TRAF3: variants seen among roughly 807,000 people sequenced by gnomAD.
TRAF3 encodes TNF receptor-associated factor 3.
A neutral mutation model predicts 62.3 loss-of-function variants in TRAF3; 13 were observed. That is an observed-to-expected ratio of 0.21 (90% CI 0.14 to 0.33). The LOEUF is 0.33. Ranked by LOEUF, TRAF3 falls within the 10% of genes least tolerant of loss-of-function variation. The pLI, the probability that TRAF3 is intolerant of heterozygous loss-of-function variation, is 1.00. For synonymous variants in TRAF3, 269 were observed against 283.4 expected, an observed-to-expected ratio of 0.95 and a Z score of 0.51; for missense variants, 440 against 741.8, an observed-to-expected ratio of 0.59 and a Z score of 4.73.
intron 1 of TRAF3, among the ~76,000 whole-genome samples, chr14:102,823,919 G>T (rs1900132944): frequency 6.6e-6 from 1 of 152,132 alleles, no homozygotes; most frequent in Non-Finnish European, 1.5e-5. Context: ...CATTCATATT[G>T]TGCATGTATG....
At position 102,903,426 on chromosome 14, in the gene TRAF3, A is replaced by G; in HGVS notation, c.1132A>G (p.Thr378Ala). Residue 378 changes from threonine to alanine, a missense_variant, in exon 11 of 12, where the codon ACA (threonine) becomes GCA (alanine). Transcript: ENST00000392745. The surrounding 1 kb of genome is among the most constrained non-coding windows in gnomAD (Gnocchi z 6.4). ...DKSAGQVARN[T>A]GLLESQLSRH... ...GAGCGCGGGGCAAGTGGCTCGGAACACAGGTGAGGCAGGGGCCGGGGCCGG... is the reference window on the plus strand; with the variant it reads ...GAGCGCGGGGCAAGTGGCTCGGAACGCAGGTGAGGCAGGGGCCGGGGCCGG... 2 of 1,613,780 alleles carry G rather than the reference A, an allele frequency of 1.2e-6. No homozygotes were observed. The highest frequency in any genetic ancestry group is 1.7e-6 in the Non-Finnish European group (2 of 1,179,944).
intron 6 of TRAF3, among the ~76,000 whole-genome samples, chr14:102,877,312 C>A (rs1380893128): frequency 2.1e-5 from 3 of 143,966 alleles, no homozygotes. Flanking sequence ...TTCCGCTCAG[C>A]TCATAGATAA....
intron 10 of TRAF3, among the ~76,000 whole-genome samples, chr14:102,900,671 C>T (rs1319617047): frequency 1.3e-5 from 2 of 152,052 alleles, no homozygotes; most frequent in Admixed American, 6.6e-5. Flanking sequence ...CTCAGGCTGC[C>T]GGCACCACCG....
chr14:102,828,546 G>A (rs1288371589), intron 1 of TRAF3, among the ~76,000 whole-genome samples: 1 of 152,188 alleles, frequency 6.6e-6, no homozygotes, highest in Non-Finnish European at 1.5e-5. Flanking sequence ...TGCAGTTTGT[G>A]CACGATAATT....
At chr14:102,779,921 G>A (rs1897203603) in intron 1 of TRAF3, among the ~76,000 whole-genome samples, 1 of 152,230 alleles carries the variant, frequency 6.6e-6, no homozygotes, top group Non-Finnish European at 1.5e-5. Context: ...ACTTAGCAGA[G>A]GCGACGTCTC....
At chr14:102,883,282 C>T (rs1889172013) in intron 6 of TRAF3, among the ~76,000 whole-genome samples, 1 of 152,192 alleles carries the variant, frequency 6.6e-6, no homozygotes, top group Non-Finnish European at 1.5e-5. Flanking sequence ...TTGCAATAGG[C>T]AGATGAGTCT....
chr14:102,850,362 A>G (rs141364776), intron 2 of TRAF3, among the ~76,000 whole-genome samples: 15 of 152,306 alleles, frequency 9.8e-5, no homozygotes, highest in African/African-American at 3.6e-4. Flanking sequence ...AACAGTAAGT[A>G]AAGTAATAGA....
intron 2 of TRAF3, among the ~76,000 whole-genome samples, chr14:102,839,351 T>C (rs2139671256): frequency 6.6e-6 from 1 of 151,522 alleles, no homozygotes; most frequent in East Asian, 2.0e-4. Context: ...TCTGAGTAGC[T>C]GGGACTACAG....
At chr14:102,897,777 G>A (rs1890077452) in intron 10 of TRAF3, among the ~76,000 whole-genome samples, 1 of 152,220 alleles carries the variant, frequency 6.6e-6, no homozygotes, top group African/African-American at 2.4e-5. Context: ...TTCCTGCAGT[G>A]AGGTGCTGTG....
At chr14:102,787,315 A>C (rs997351071) in intron 1 of TRAF3, among the ~76,000 whole-genome samples, 1 of 152,220 alleles carries the variant, frequency 6.6e-6, no homozygotes, top group Non-Finnish European at 1.5e-5. Flanking sequence ...CAATTTTAAC[A>C]TATGAATTTT....
At position 102,817,790 on chromosome 14, in the gene TRAF3, A is replaced by T. The variant is rs566211537; in HGVS notation, c.-156-12544A>T. ...GTGCCTTTGGGGGTACTTTGGTGAA[A>T]AAGTTTGAGAAGCCACTTCATTATT... On this transcript the variant is annotated intron_variant, in intron 1 of 11. Coordinates refer to ENST00000392745, the MANE Select transcript of TRAF3 (RefSeq NM_145725.3). Among the ~76,000 whole-genome samples, 5 of 152,322 alleles carry T rather than the reference A, an allele frequency of 3.3e-5. No homozygotes were observed. The South Asian group carries it at 1.0e-3, about 32-fold the overall frequency.
chr14:102,851,400 G>A (rs1379953121), intron 2 of TRAF3, among the ~76,000 whole-genome samples: 1 of 152,160 alleles, frequency 6.6e-6, no homozygotes, highest in Non-Finnish European at 1.5e-5. Flanking sequence ...CGGGATTCCT[G>A]CCTGTCCACA....
chr14:102,834,423 G>A (rs1885847655), intron 2 of TRAF3, among the ~76,000 whole-genome samples: 1 of 151,580 alleles, frequency 6.6e-6, no homozygotes. Flanking sequence ...TTCCGGCTGG[G>A]CGCGGTGGCT....
chr14:102,826,240 C>T lies in TRAF3; in HGVS notation c.-156-4094C>T, dbSNP rs1900304106. 6.6e-6 allele frequency among the ~76,000 whole-genome samples: 1 copy of T among 152,118 alleles called. No homozygotes were observed. Among genetic ancestry groups the T allele is most frequent in the South Asian group, 2.1e-4 (1 of 4,806 alleles). On this transcript the variant is annotated intron_variant, in intron 1 of 11. Transcript: ENST00000392745. This position sits in a 1 kb window ranked among gnomAD's most constrained non-coding sequence, Gnocchi z 4.6. ...GGCTCTTCTGCTTGAACTGACTGTGCCTCAGCATCCTCGTCTGTCTGGTGG... is the reference window on the plus strand; with the variant it reads ...GGCTCTTCTGCTTGAACTGACTGTGTCTCAGCATCCTCGTCTGTCTGGTGG...
At chr14:102,825,898 GCTACCTCTTTGTGCCTTCTCTTCT>G (rs1900280433) in intron 1 of TRAF3, among the ~76,000 whole-genome samples, 1 of 152,216 alleles carries the variant, frequency 6.6e-6, no homozygotes, top group Admixed American at 6.5e-5. Flanking sequence ...ACCACCTCAC[GCTACCTCTTTGTGCCTTCTCTTCT>G]CTCCTCATCT....
At position 102,821,567 on chromosome 14, in the gene TRAF3, G is replaced by A. The variant is rs188760368; in HGVS notation, c.-156-8767G>A. 1.4e-3 allele frequency among the ~76,000 whole-genome samples: 213 copies of A among 152,152 alleles called. 1 individual carries two copies. The highest frequency in any genetic ancestry group is 2.3e-3 in the Non-Finnish European group (157 of 68,012). ...GTCTTTTATAATTATCCTTTTCTGG[G>A]GACCAACTTATAAAGTAAAAAATAC... On this transcript the variant is annotated intron_variant, in intron 1 of 11. Transcript: ENST00000392745.
chr14:102,899,017 G>A (rs922837770), intron 10 of TRAF3, among the ~76,000 whole-genome samples: 4 of 152,240 alleles, frequency 2.6e-5, no homozygotes, highest in Admixed American at 2.6e-4. Flanking sequence ...CGGAGAGCAG[G>A]TTGTGTTTAG....
chr14:102,817,372 T>C (rs72702795), intron 1 of TRAF3, among the ~76,000 whole-genome samples: 4,396 of 152,184 alleles, frequency 0.029, 103 homozygotes, highest in Non-Finnish European at 0.039. Context: ...TAACAGCTTC[T>C]TGAAAGAGTT....
intron 10 of TRAF3, among the ~76,000 whole-genome samples, chr14:102,900,179 GGAAAAAAAAAAA>G (rs965299947): frequency 1.2e-5 from 1 of 83,746 alleles, no homozygotes; most frequent in African/African-American, 5.2e-5. Flanking sequence ...ACTCCGTCTC[GGAAAAAAAAAAA>G]AAAAAAAAAA....
Sources: allele counts gnomAD v4.1 joint callset (sites outside exome capture counted in the v4.1 genomes callset), GRCh38; gene constraint gnomAD v4.1.1; non-coding constraint Gnocchi (gnomAD v3.1); transcripts MANE v1.5; gene names NCBI Gene and HGNC (gene_info 2026-07-23, HGNC 2026-07-21).